Variants in HEATR5A observed in about 807,000 individuals in gnomAD.
HEATR5A encodes HEAT repeat containing 5A.
In HEATR5A, 178 loss-of-function variants were observed where a neutral mutation model predicts 218.8. The observed-to-expected ratio is 0.81, with a 90% CI of 0.72 to 0.92. The LOEUF is 0.92. Among genes scored for constraint, HEATR5A ranks in the 40% least tolerant of loss-of-function variants. HEATR5A has a pLI of 0.00. For synonymous variants in HEATR5A, 864 were observed against 871.6 expected (o/e 0.99, Z 0.15); for missense variants, 2,420 against 2,418.9 (o/e 1.00, Z -0.01).
Position 31,296,057 on chromosome 14 carries a change from T to G in HEATR5A, c.5471A>C (p.Glu1824Ala), listed in dbSNP as rs1899179459. The G allele has an allele frequency of 6.2e-7, 1 of 1,612,820 alleles. No homozygotes were observed. Among genetic ancestry groups the G allele is most frequent in the Non-Finnish European group, 8.5e-7 (1 of 1,178,998 alleles). ...TILDCWDPVD[E>A]THQELDEVSL... ...GACTTCATCAAGTTCTTGGTGTGTT[T>G]CATCAACTAAAGAGAAATGCTCTAT... The change falls in exon 34 of 36, where the codon GAA becomes GCA. Residue 1824 changes from glutamate to alanine, a missense_variant. Transcript: ENST00000543095.
chr14:31,329,958 G>T (rs562126031), intron 22 of HEATR5A, among the ~76,000 whole-genome samples: 14 of 152,264 alleles, frequency 9.2e-5, no homozygotes, highest in Middle Eastern at 3.4e-3. Context: ...TGATCCACCC[G>T]CCTTGGCCTC....
At chr14:31,371,422 CTA>C (rs1383951396) in intron 13 of HEATR5A, 1 of 153,246 alleles carries the variant, frequency 6.5e-6, no homozygotes, top group Non-Finnish European at 1.5e-5. Context: ...TGGCTTTTCT[CTA>C]TATGTTCTAA....
In HEATR5A at chr14:31,365,010, G is replaced by C. The variant is rs558408330; in HGVS notation, c.1962-712C>G. On this transcript the variant is annotated intron_variant, in intron 13 of 35. Coordinates refer to ENST00000543095, the MANE Select transcript of HEATR5A (RefSeq NM_015473.4). ...CTGCCTTAGCCTCCCCAATAGCTGGGACTACAGGTGCGCACCACCATGCCC... is the reference window on the plus strand; with the variant it reads ...CTGCCTTAGCCTCCCCAATAGCTGGCACTACAGGTGCGCACCACCATGCCC... 2.6e-5 allele frequency among the ~76,000 whole-genome samples: 4 copies of C among 151,892 alleles called. No individual in the cohort carries two copies. In the East Asian group the frequency reaches 5.9e-4, roughly 22 times the overall value.
chr14:31,386,985 C>A (rs1170455776), intron 8 of HEATR5A, 135 bp downstream of exon 8: 1 of 813,562 alleles, frequency 1.2e-6, no homozygotes, highest in East Asian at 2.5e-5. Flanking sequence ...ATAGGAAGTA[C>A]AACATGAATT....
intron 1 of HEATR5A, among the ~76,000 whole-genome samples, chr14:31,409,241 T>G (rs1348266616): frequency 2.0e-5 from 3 of 147,124 alleles, no homozygotes; most frequent in Non-Finnish European, 4.5e-5. Context: ...AGAGACAGGG[T>G]TTCACCATAT....
rs374275244 is a variant in HEATR5A, at chr14:31,293,641, A to G, written c.5834-29T>C. 3.0e-4 allele frequency: 463 copies of G among 1,555,728 alleles called. 1 individual carries two copies. The highest frequency in any genetic ancestry group is 3.7e-4 in the Non-Finnish European group (431 of 1,153,462). The stretch of plus-strand genomic sequence containing the variant: ...GAAAGTAAACAAATAATATAAGTTC[A>G]GTGACATAAATGTTTCTAACAAAAG... On this transcript the variant is annotated intron_variant, in intron 35 of 35. Coordinates refer to ENST00000543095, the MANE Select transcript of HEATR5A (RefSeq NM_015473.4).
chr14:31,400,924 C>G (rs1432543572), intron 2 of HEATR5A, among the ~76,000 whole-genome samples: 1 of 151,648 alleles, frequency 6.6e-6, no homozygotes, highest in Non-Finnish European at 1.5e-5. Context: ...ACTGCAAGCT[C>G]CGCCTCCTGG....
chr14:31,419,871 T>C (rs1272201410), intron 1 of HEATR5A, among the ~76,000 whole-genome samples: 1 of 152,262 alleles, frequency 6.6e-6, no homozygotes, highest in Non-Finnish European at 1.5e-5. Flanking sequence ...AAAGCTTTCT[T>C]TCCTGGAGAG....
At chr14:31,398,637 T>C in intron 4 of HEATR5A, 36 bp downstream of exon 4, 2 of 1,141,784 alleles carry the variant, frequency 1.8e-6, no homozygotes, top group African/African-American at 1.5e-5. Context: ...TAAAATGCTG[T>C]CTTTTCATTC....
At chr14:31,341,569 T>C (rs1055682317) in intron 21 of HEATR5A, among the ~76,000 whole-genome samples, 1 of 152,092 alleles carries the variant, frequency 6.6e-6, no homozygotes, top group Non-Finnish European at 1.5e-5. Context: ...ATAATTTTCT[T>C]AAAATTTTTT....
At position 31,395,297 on chromosome 14, in the gene HEATR5A, G is replaced by T; in HGVS notation, c.499C>A (p.Leu167Ile). Residue 167 changes from leucine to isoleucine, a missense_variant, in exon 5 of 36, where the codon CTA (leucine) becomes ATA (isoleucine). Leu to Ile is a conservative substitution (Grantham distance 5). Transcript: ENST00000543095. ...MLSLQNILNG[L>I]GAAAAPCHRD... ...TGACAAGGTGCAGCGGCAGCTCCTA[G>T]TCCATTCAATATATTTTGCAGACTT... 6.5e-7 allele frequency: 1 copy of T among 1,529,980 alleles called. No individual in the cohort carries two copies. Among genetic ancestry groups the T allele is most frequent in the Non-Finnish European group, 8.8e-7 (1 of 1,141,676 alleles). The allele number at this position is 1,529,980 out of a possible 1,614,324, so 94.8% of individuals were successfully genotyped here. A position where few individuals can be genotyped will look rare whatever the true frequency, so the allele number is the denominator to read the frequency against.
In HEATR5A at chr14:31,293,930, C is replaced by T. The variant is rs778779233; in HGVS notation, c.5794G>A (p.Val1932Ile). 4.5e-5 allele frequency: 72 copies of T among 1,606,664 alleles called. No homozygotes were observed. Among genetic ancestry groups the T allele is most frequent in the Non-Finnish European group, 6.0e-5 (70 of 1,176,408 alleles). The stretch of plus-strand genomic sequence containing the variant: ...GCAACAGTAACCAGTGTTTCTAAGA[C>T]CTTTATGCCTTCTTGGAAGATCTCA... ...ELEIFQEGIKVLETLVTVAEE... is the reference protein window; with the variant it reads ...ELEIFQEGIKILETLVTVAEE... The change falls in exon 35 of 36, where the codon GTC (valine) becomes ATC (isoleucine). Residue 1932 changes from valine to isoleucine, a missense_variant. Physicochemically the swap from Val to Ile is conservative, Grantham distance 29. Transcript: ENST00000543095.
intron 1 of HEATR5A, among the ~76,000 whole-genome samples, chr14:31,406,068 G>A (rs1434272818): frequency 6.6e-6 from 1 of 152,098 alleles, no homozygotes; most frequent in Non-Finnish European, 1.5e-5. Flanking sequence ...TGATAAGCAA[G>A]GGCATTTTGC....
At chr14:31,362,914 C>T (rs1901673425) in intron 14 of HEATR5A, among the ~76,000 whole-genome samples, 1 of 152,002 alleles carries the variant, frequency 6.6e-6, no homozygotes, top group Non-Finnish European at 1.5e-5. Context: ...GTGGCTTATG[C>T]CTGCAATCCT....
intron 22 of HEATR5A, among the ~76,000 whole-genome samples, chr14:31,331,930 G>A (rs1386110753): frequency 6.6e-6 from 1 of 152,162 alleles, no homozygotes. Flanking sequence ...CTCAACACCT[G>A]GGGATTGTAA....
chr14:31,379,518 G>A (rs2029898267), intron 11 of HEATR5A, among the ~76,000 whole-genome samples: 1 of 152,128 alleles, frequency 6.6e-6, no homozygotes, highest in Non-Finnish European at 1.5e-5. Context: ...CCAAAGTGCG[G>A]GGATTACAAG....
In HEATR5A at chr14:31,309,183, C is replaced by T. The variant is rs775231019; in HGVS notation, c.4442-1G>A. On this transcript the variant is annotated splice_acceptor_variant, in intron 28 of 35. Transcript: ENST00000543095. LOFTEE classifies it high-confidence loss of function. ...GTCTCTGCTGTGTAGAAAGCACCAC[C>T]TAAAGCAAACAGTTTCAGGAAAAAT... The T allele has an allele frequency of 3.7e-6, 6 of 1,607,536 alleles. No homozygotes were observed.
Position 31,345,076 on chromosome 14 carries a change from G to T in HEATR5A, c.3058+11C>A. The T allele has an allele frequency of 1.3e-6, 2 of 1,596,872 alleles. No homozygotes were observed. Among genetic ancestry groups the T allele is most frequent in the Non-Finnish European group, 8.5e-7 (1 of 1,174,770 alleles). On this transcript the variant is annotated intron_variant, in intron 20 of 35. Transcript: ENST00000543095. ...TTTAATGTAAAACATCACAAAAGCA[G>T]CTATGCACACCTTGTAGCTCTGGAC...
intron 21 of HEATR5A, among the ~76,000 whole-genome samples, chr14:31,342,672 T>C (rs1013892476): frequency 2.6e-5 from 4 of 152,168 alleles, no homozygotes; most frequent in African/African-American, 7.2e-5. Flanking sequence ...AAAGGTAGTA[T>C]GGAATAATGA....
Sources: allele counts gnomAD v4.1 joint callset (sites outside exome capture counted in the v4.1 genomes callset), GRCh38; gene constraint gnomAD v4.1.1; transcripts MANE v1.5; gene names NCBI Gene and HGNC (gene_info 2026-07-23, HGNC 2026-07-21).